The following LIMS1 variants were observed in gnomAD, a reference collection of about 807,000 sequenced individuals.
LIMS1 encodes LIM and senescent cell antigen-like-containing domain protein 1.
Under a neutral mutation model 44.1 loss-of-function variants are expected in LIMS1, and 18 were observed. That is an observed-to-expected ratio of 0.41 (90% CI 0.28 to 0.61). The LOEUF is 0.61. LIMS1 is among the 20% of genes least tolerant of loss of function. The pLI is 0.32. For missense variants in LIMS1, 201 were observed against 422.0 expected (o/e 0.48, Z 4.59); for synonymous variants, 93 against 149.1 (o/e 0.62, Z 2.74).
At chr2:108,613,239 C>T (rs554990179) in intron 1 of LIMS1, among the ~76,000 whole-genome samples, 1 of 152,268 alleles carries the variant, frequency 6.6e-6, no homozygotes, top group Non-Finnish European at 1.5e-5. Flanking sequence ...CTTTACAATA[C>T]AAGCAAACAT....
chr2:108,606,971 G>A (rs76168948), intron 1 of LIMS1, among the ~76,000 whole-genome samples: 3,934 of 152,340 alleles, frequency 0.026, 126 homozygotes, highest in South Asian at 0.14. Context: ...TATGTCTCAT[G>A]TACCATGCTG....
intron 2 of LIMS1, among the ~76,000 whole-genome samples, chr2:108,664,120 TTTACTCTGATTATTCA>T (rs1691585288): frequency 6.6e-6 from 1 of 152,126 alleles, no homozygotes; most frequent in Non-Finnish European, 1.5e-5. Context: ...TCTTCACTCA[TTTACTCTGATTATTCA>T]GGAAGGCAGA....
chr2:108,632,126 C>G (rs1476476312), intron 1 of LIMS1, among the ~76,000 whole-genome samples: 3 of 152,130 alleles, frequency 2.0e-5, no homozygotes, highest in Non-Finnish European at 4.4e-5. Context: ...CGCCTGCCAC[C>G]ATGCTTGGCT....
intron 5 of LIMS1, chr2:108,673,467 G>A (rs569098731): frequency 4.6e-6 from 1 of 219,748 alleles, no homozygotes; most frequent in East Asian, 1.4e-4. Context: ...GCTCACTGCA[G>A]CCTCACCCTC....
At chr2:108,621,399 C>G (rs775669493) in intron 1 of LIMS1, 1 of 1,551,078 alleles carries the variant, frequency 6.4e-7, no homozygotes, top group South Asian at 1.2e-5. Flanking sequence ...CAGGTCTCTA[C>G]AGGAGAAGAC....
intron 1 of LIMS1, among the ~76,000 whole-genome samples, chr2:108,547,604 T>C (rs1202519419): frequency 2.6e-5 from 4 of 152,208 alleles, no homozygotes; most frequent in Non-Finnish European, 4.4e-5. Flanking sequence ...GGAATATAGG[T>C]TAAAATTTAG....
chr2:108,625,437 G>A (rs930864946), intron 1 of LIMS1, among the ~76,000 whole-genome samples: 16 of 152,148 alleles, frequency 1.1e-4, no homozygotes, highest in African/African-American at 3.6e-4. Context: ...GTCTAGTGCT[G>A]AGATAAGAAC....
intron 1 of LIMS1, among the ~76,000 whole-genome samples, chr2:108,603,406 C>A (rs1206888804): frequency 2.0e-5 from 3 of 151,512 alleles, no homozygotes; most frequent in African/African-American, 7.3e-5. Flanking sequence ...TCTAGATTTT[C>A]CGATTTATTG....
At chr2:108,552,586 G>GTGTGTGTGTGTGTGTGTA (rs1491210731) in intron 1 of LIMS1, among the ~76,000 whole-genome samples, 24 of 47,322 alleles carry the variant, frequency 5.1e-4, no homozygotes, top group African/African-American at 2.8e-3. Flanking sequence ...TATATTTTGG[G>GTGTGTGTGTGTGTGTGTA]TGTGTGTGTG....
At chr2:108,622,950 A>G (rs1390929280) in intron 1 of LIMS1, among the ~76,000 whole-genome samples, 1 of 150,910 alleles carries the variant, frequency 6.6e-6, no homozygotes, top group African/African-American at 2.4e-5. Flanking sequence ...TTACATAGTT[A>G]CAATGCTCTT....
chr2:108,561,747 T>G (rs996387222), intron 1 of LIMS1, among the ~76,000 whole-genome samples: 3 of 48,346 alleles, frequency 6.2e-5, no homozygotes, highest in Middle Eastern at 8.8e-3. Flanking sequence ...TTTTTTTTTG[T>G]TTTTTTTTTT....
intron 1 of LIMS1, among the ~76,000 whole-genome samples, chr2:108,555,212 G>C (rs761725493): frequency 6.6e-6 from 1 of 152,128 alleles, no homozygotes; most frequent in East Asian, 1.9e-4. Context: ...TTTGAGGGGG[G>C]AGGGGGAAGC....
intron 1 of LIMS1, among the ~76,000 whole-genome samples, chr2:108,617,666 G>A (rs1420206693): frequency 6.6e-6 from 1 of 152,186 alleles, no homozygotes. Context: ...TGGGATATGG[G>A]GTTTAGAAAG....
intron 1 of LIMS1, among the ~76,000 whole-genome samples, chr2:108,584,425 T>C (rs1686014442): frequency 1.3e-5 from 2 of 152,066 alleles, no homozygotes; most frequent in African/African-American, 4.8e-5. Context: ...GAGCTTCCTG[T>C]TCCTTATTAG....
chr2:108,552,168 A>G (rs1445939565), intron 1 of LIMS1, among the ~76,000 whole-genome samples: 2 of 145,574 alleles, frequency 1.4e-5, no homozygotes, highest in South Asian at 2.1e-4. Context: ...ATATATAAAT[A>G]TAAAATATAC....
intron 1 of LIMS1, among the ~76,000 whole-genome samples, chr2:108,602,687 G>A (rs1183887242): frequency 2.0e-5 from 3 of 152,142 alleles, no homozygotes; most frequent in Admixed American, 6.5e-5. Flanking sequence ...TGATTGTGTT[G>A]TTGAATTCTG....
chr2:108,583,556 AATT>A (rs1685969914), intron 1 of LIMS1, among the ~76,000 whole-genome samples: 1 of 152,162 alleles, frequency 6.6e-6, no homozygotes, highest in Admixed American at 6.5e-5. Context: ...AGTTAGGTGA[AATT>A]ATCCCAGATT....
chr2:108,640,770 T>C (rs1366304389), intron 1 of LIMS1, among the ~76,000 whole-genome samples: 1 of 152,220 alleles, frequency 6.6e-6, no homozygotes, highest in Non-Finnish European at 1.5e-5. Flanking sequence ...CTTCAAACAT[T>C]TATCATTTCC....
chr2:108,574,194 T>G (rs1422549927), intron 1 of LIMS1, among the ~76,000 whole-genome samples: 2 of 152,190 alleles, frequency 1.3e-5, no homozygotes, highest in Non-Finnish European at 2.9e-5. Context: ...TAATGGAGTT[T>G]CCATTTTTAA....
Sources: allele counts gnomAD v4.1 joint callset (sites outside exome capture counted in the v4.1 genomes callset), GRCh38; gene constraint gnomAD v4.1.1; transcripts MANE v1.5; gene names NCBI Gene and HGNC (gene_info 2026-07-23, HGNC 2026-07-21).